PRDM16: variants seen among roughly 807,000 people sequenced by gnomAD.
PRDM16 encodes the protein PR/SET domain 16, also known as histone-lysine N-methyltransferase PRDM16.
A neutral mutation model predicts 110.6 loss-of-function variants in PRDM16; 23 were observed. The observed-to-expected ratio is 0.21, with a 90% CI of 0.15 to 0.29. The LOEUF (loss-of-function observed/expected upper bound fraction) is 0.29, where lower values mean the gene tolerates loss of function less well. PRDM16 is among the 10% of genes least tolerant of loss of function. PRDM16 has a pLI of 1.00. For missense variants in PRDM16, 1,615 were observed against 1,794.3 expected (o/e 0.90, Z 1.81); for synonymous variants, 799 against 781.8 (o/e 1.02, Z -0.37).
intron 2 of PRDM16, among the ~76,000 whole-genome samples, chr1:3,210,681 C>G (rs958320680): frequency 6.6e-6 from 1 of 152,262 alleles, no homozygotes; most frequent in African/African-American, 2.4e-5. Flanking sequence ...AAGGGGCCAC[C>G]CTTAGCCTCT....
At position 3,358,363 on chromosome 1, in the gene PRDM16, A is replaced by G. The variant is rs1642649870; in HGVS notation, c.439-26789A>G. ...TTCCCCCTGGCTGAGGGTGCTGGAG[A>G]AGACCTGGGCAGTGGGTGGCAGCCA... On this transcript the variant is annotated intron_variant, in intron 3 of 16. Coordinates refer to ENST00000270722, the MANE Select transcript of PRDM16 (RefSeq NM_022114.4). This position sits in a 1 kb window ranked among gnomAD's most constrained non-coding sequence, Gnocchi z 4.0. 6.6e-6 allele frequency among the ~76,000 whole-genome samples: 1 copy of G among 152,164 alleles called. No individual in the cohort carries two copies.
intron 2 of PRDM16, among the ~76,000 whole-genome samples, chr1:3,240,401 C>T (rs1639641422): frequency 7.7e-6 from 1 of 129,352 alleles, no homozygotes. Context: ...GTGAGACAAC[C>T]TGTTTCAAAA....
chr1:3,333,053 C>T (rs1438653125), intron 3 of PRDM16, among the ~76,000 whole-genome samples: 13 of 152,188 alleles, frequency 8.5e-5, no homozygotes, highest in Admixed American at 8.5e-4. Context: ...CATGAGTGTG[C>T]CTGTTTTTGT....
intron 1 of PRDM16, among the ~76,000 whole-genome samples, chr1:3,139,407 C>T (rs1175486477): frequency 6.6e-6 from 1 of 152,206 alleles, no homozygotes; most frequent in Non-Finnish European, 1.5e-5. Flanking sequence ...GCCCCTTGGC[C>T]CCAGATTGAT....
chr1:3,078,856 C>T (rs894099691), intron 1 of PRDM16, among the ~76,000 whole-genome samples: 1 of 152,254 alleles, frequency 6.6e-6, no homozygotes, highest in Non-Finnish European at 1.5e-5. Flanking sequence ...TTCACCATGG[C>T]TCCCGTAGCT....
rs1302517954 is a variant in PRDM16, at chr1:3,181,334, GCAGTCTTACACA to G, written c.38-4789_38-4778del. Among the ~76,000 whole-genome samples the G allele has an allele frequency of 2.6e-4, 27 of 101,956 alleles. 1 individual carries two copies. Among genetic ancestry groups the G allele is most frequent in the African/African-American group, 9.4e-4 (26 of 27,522 alleles). The allele number at this position is 101,956 out of a possible 152,430, so 66.9% of individuals were successfully genotyped here. A position where few individuals can be genotyped will look rare whatever the true frequency, so the allele number is the denominator to read the frequency against. Reference sequence around the variant, plus strand: ...GTCTTACACACGCAATCTTACACAAGCAGTCTTACACACGGTCTTACACACGGTCTTACACAC... The same window carrying G: ...GTCTTACACACGCAATCTTACACAAGCGGTCTTACACACGGTCTTACACAC... On this transcript the variant is annotated intron_variant, in intron 1 of 16. Coordinates refer to ENST00000270722, the MANE Select transcript of PRDM16 (RefSeq NM_022114.4).
At chr1:3,421,609 C>T (rs996974876) in intron 12 of PRDM16, among the ~76,000 whole-genome samples, 1 of 152,354 alleles carries the variant, frequency 6.6e-6, no homozygotes, top group East Asian at 1.9e-4. Context: ...GAGAGGGCCA[C>T]GTTCAGGGCT....
intron 3 of PRDM16, among the ~76,000 whole-genome samples, chr1:3,325,120 G>A (rs570629721): frequency 2.5e-4 from 38 of 152,284 alleles, no homozygotes; most frequent in African/African-American, 8.9e-4. Flanking sequence ...CTGAAAATGC[G>A]TCCTTTGGAG....
chr1:3,151,827 G>A (rs1391871198), intron 1 of PRDM16, among the ~76,000 whole-genome samples: 1 of 152,234 alleles, frequency 6.6e-6, no homozygotes, highest in Non-Finnish European at 1.5e-5. Context: ...TGGGACTGTG[G>A]GAAGTCATCA....
At chr1:3,193,710 G>C (rs985557494) in intron 2 of PRDM16, among the ~76,000 whole-genome samples, 1 of 152,192 alleles carries the variant, frequency 6.6e-6, no homozygotes, top group Non-Finnish European at 1.5e-5. Context: ...TGAATGCATA[G>C]GAAAATGTAA....
intron 2 of PRDM16, among the ~76,000 whole-genome samples, chr1:3,199,125 G>C (rs1439801763): frequency 6.6e-6 from 1 of 152,146 alleles, no homozygotes; most frequent in Non-Finnish European, 1.5e-5. Context: ...AGTGCTGTGC[G>C]GGGTGGCGGC....
intron 1 of PRDM16, among the ~76,000 whole-genome samples, chr1:3,146,919 GGT>G (rs1491039131): frequency 3.2e-5 from 3 of 93,626 alleles, no homozygotes; most frequent in East Asian, 3.8e-4. Context: ...AGTGTGGGGG[GGT>G]GTGTGTGCAC....
chr1:3,405,583 C>T lies in PRDM16; in HGVS notation c.1121C>T (p.Thr374Ile). 1 of 1,611,516 alleles carries T rather than the reference C, an allele frequency of 6.2e-7. No individual in the cohort carries two copies. The highest frequency in any genetic ancestry group is 8.5e-7 in the Non-Finnish European group (1 of 1,179,194). ...RAHACPDCGK[T>I]FATSSGLKQH... The stretch of plus-strand genomic sequence containing the variant: ...CACGCCTGCCCCGACTGCGGGAAGA[C>T]CTTCGCCACGTCCTCCGGCCTCAAG... The change falls in exon 8 of 17, where the codon ACC (threonine) becomes ATC (isoleucine). Residue 374 changes from threonine to isoleucine, a missense_variant. Physicochemically the swap from Thr to Ile is moderately conservative, Grantham distance 89. Transcript: ENST00000270722.
rs1018301134 is a variant in PRDM16, at chr1:3,388,289, T to G, written c.573+3003T>G. Among the ~76,000 whole-genome samples, 4 of 149,284 alleles carry G rather than the reference T, an allele frequency of 2.7e-5. No individual in the cohort carries two copies. In the East Asian group the frequency reaches 8.4e-4, roughly 31 times the overall value. On this transcript the variant is annotated intron_variant, in intron 4 of 16. Coordinates refer to ENST00000270722, the MANE Select transcript of PRDM16 (RefSeq NM_022114.4). ...CTTCCCCTCTCTCTCTCCCTCTCTC[T>G]TTCTCTGTCTCTCTCTTTCTCTGTC...
intron 3 of PRDM16, among the ~76,000 whole-genome samples, chr1:3,288,648 A>C (rs1232780498): frequency 2.0e-5 from 3 of 151,906 alleles, no homozygotes; most frequent in Non-Finnish European, 2.9e-5. Flanking sequence ...CCCCTCCCCC[A>C]CCACCCCAGG....
intron 3 of PRDM16, among the ~76,000 whole-genome samples, chr1:3,258,317 G>C (rs1640091726): frequency 6.6e-6 from 1 of 152,174 alleles, no homozygotes; most frequent in African/African-American, 2.4e-5. Flanking sequence ...AATTGAGTTT[G>C]GCCAGAAAGA....
At chr1:3,327,768 G>A (rs1641949276) in intron 3 of PRDM16, among the ~76,000 whole-genome samples, 1 of 152,176 alleles carries the variant, frequency 6.6e-6, no homozygotes, top group Admixed American at 6.5e-5. Context: ...GAGACCTCAA[G>A]AGATTCACAG....
In PRDM16 at chr1:3,358,571, G is replaced by T. The variant is rs914472104; in HGVS notation, c.439-26581G>T. On this transcript the variant is annotated intron_variant, in intron 3 of 16. Coordinates refer to ENST00000270722, the MANE Select transcript of PRDM16 (RefSeq NM_022114.4). This position sits in a 1 kb window ranked among gnomAD's most constrained non-coding sequence, Gnocchi z 4.0. ...GAGCCCCGAATTCTCCACTGGGGCCGGAAGAGGAGCTCTCGGACCCCTCCC... is the reference window on the plus strand; with the variant it reads ...GAGCCCCGAATTCTCCACTGGGGCCTGAAGAGGAGCTCTCGGACCCCTCCC... Among the ~76,000 whole-genome samples, 2 of 152,190 alleles carry T rather than the reference G, an allele frequency of 1.3e-5. No homozygotes were observed. The highest frequency in any genetic ancestry group is 6.5e-5 in the Admixed American group (1 of 15,272).
rs184225510 is a variant in PRDM16, at chr1:3,108,133, C to G, written c.37+38837C>G. Among the ~76,000 whole-genome samples, 6 of 152,366 alleles carry G rather than the reference C, an allele frequency of 3.9e-5. No homozygotes were observed. The East Asian group carries it at 1.2e-3, about 29-fold the overall frequency. On this transcript the variant is annotated intron_variant, in intron 1 of 16. Transcript: ENST00000270722. ...AGCTGCAGCACACAGAGTGTGAAAT[C>G]TTACATTCGTAGGACTGGGAGAGCA...
Sources: allele counts gnomAD v4.1 joint callset (sites outside exome capture counted in the v4.1 genomes callset), GRCh38; gene constraint gnomAD v4.1.1; non-coding constraint Gnocchi (gnomAD v3.1); transcripts MANE v1.5; gene names NCBI Gene and HGNC (gene_info 2026-07-23, HGNC 2026-07-21).